The following MACROD2 variants were observed in gnomAD, a reference collection of about 807,000 sequenced individuals.
The protein encoded by MACROD2 is ADP-ribose glycohydrolase MACROD2.
MACROD2 carries 36 observed loss-of-function variants against 70.4 expected under a neutral mutation model. The ratio of observed to expected loss-of-function variants is 0.51; its 90% confidence interval spans 0.39 to 0.68. The LOEUF (loss-of-function observed/expected upper bound fraction) is 0.68, where lower values mean the gene tolerates loss of function less well. MACROD2 is among the 30% of genes least tolerant of loss of function. The pLI, the probability that MACROD2 is intolerant of heterozygous loss-of-function variation, is 0.00. For missense variants in MACROD2, 496 were observed against 538.4 expected (o/e 0.92, Z 0.78); for synonymous variants, 172 against 178.8 (o/e 0.96, Z 0.30).
Position 14,326,114 on chromosome 20 carries a change from A to T in MACROD2, c.272-167365A>T. ...GAATCAGGCTCCAGGGCTGTGACCAAGTACTCACTGCGTTCCCCTGTTACA... is the reference window on the plus strand; with the variant it reads ...GAATCAGGCTCCAGGGCTGTGACCATGTACTCACTGCGTTCCCCTGTTACA... On this transcript the variant is annotated intron_variant, in intron 3 of 17. Transcript: ENST00000684519. This position sits in a 1 kb window ranked among gnomAD's most constrained non-coding sequence, Gnocchi z 5.5. The T allele has an allele frequency of 6.2e-7, 1 of 1,613,884 alleles. No homozygotes were observed. The highest frequency in any genetic ancestry group is 8.5e-7 in the Non-Finnish European group (1 of 1,179,858).
chr20:15,100,400 C>A (rs570655854), intron 5 of MACROD2, among the ~76,000 whole-genome samples: 2 of 152,132 alleles, frequency 1.3e-5, no homozygotes, highest in African/African-American at 4.8e-5. Context: ...AATAGTGTCC[C>A]AAGAGTTTGA....
intron 8 of MACROD2, among the ~76,000 whole-genome samples, chr20:15,733,849 T>A (rs1031444999): frequency 6.6e-6 from 1 of 152,210 alleles, no homozygotes; most frequent in Non-Finnish European, 1.5e-5. Context: ...TCTTTCACCT[T>A]GACACACTGG....
chr20:15,246,098 T>C (rs1043653877), intron 6 of MACROD2, among the ~76,000 whole-genome samples: 1 of 152,220 alleles, frequency 6.6e-6, no homozygotes, highest in Non-Finnish European at 1.5e-5. Flanking sequence ...TACAGACACA[T>C]ATGCCTTTAA....
chr20:15,833,161 A>G (rs2064076295), intron 8 of MACROD2, among the ~76,000 whole-genome samples: 1 of 152,232 alleles, frequency 6.6e-6, no homozygotes, highest in African/African-American at 2.4e-5. Flanking sequence ...AATTAGCTCC[A>G]CAGTGTAGTA....
chr20:14,202,101 G>A (rs201680465), intron 3 of MACROD2, among the ~76,000 whole-genome samples: 13 of 151,728 alleles, frequency 8.6e-5, no homozygotes, highest in Non-Finnish European at 1.2e-4. Context: ...TCTTCTTTTC[G>A]TCATTTTACT....
chr20:14,379,160 C>T (rs2122768507), intron 3 of MACROD2, among the ~76,000 whole-genome samples: 1 of 152,128 alleles, frequency 6.6e-6, no homozygotes, highest in African/African-American at 2.4e-5. Context: ...TTTTAGAAAA[C>T]AAAACAAAAC....
At chr20:16,010,089 G>T (rs191037118) in intron 15 of MACROD2, among the ~76,000 whole-genome samples, 11 of 152,224 alleles carry the variant, frequency 7.2e-5, no homozygotes, top group Admixed American at 6.5e-4. Flanking sequence ...TGAGGGTCTT[G>T]CTTCATATAA....
chr20:15,631,795 C>G (rs1412161764), intron 8 of MACROD2, among the ~76,000 whole-genome samples: 1 of 152,182 alleles, frequency 6.6e-6, no homozygotes, highest in Non-Finnish European at 1.5e-5. Context: ...CTCTTACCTG[C>G]AGACATTTTG....
chr20:14,198,271 A>G (rs774912574), intron 3 of MACROD2, among the ~76,000 whole-genome samples: 1 of 152,174 alleles, frequency 6.6e-6, no homozygotes, highest in Non-Finnish European at 1.5e-5. Flanking sequence ...GTAATTTGAT[A>G]TCTAATAGTT....
At chr20:15,312,643 C>A (rs1321741464) in intron 6 of MACROD2, among the ~76,000 whole-genome samples, 1 of 152,030 alleles carries the variant, frequency 6.6e-6, no homozygotes, top group Non-Finnish European at 1.5e-5. Context: ...TGTATTTTTT[C>A]ATTTATGCTT....
chr20:15,680,932 C>T (rs1182689112), intron 8 of MACROD2, among the ~76,000 whole-genome samples: 1 of 152,178 alleles, frequency 6.6e-6, no homozygotes, highest in Non-Finnish European at 1.5e-5. Flanking sequence ...TTGAATAAAA[C>T]TCATCACATG....
chr20:15,831,457 C>T (rs771138098), intron 8 of MACROD2, among the ~76,000 whole-genome samples: 3 of 152,182 alleles, frequency 2.0e-5, no homozygotes, highest in Non-Finnish European at 2.9e-5. Flanking sequence ...CATGTGTCTC[C>T]CTGGCTTGAC....
At chr20:15,214,926 G>T (rs17296246) in intron 5 of MACROD2, among the ~76,000 whole-genome samples, 1 of 152,012 alleles carries the variant, frequency 6.6e-6, no homozygotes, top group Non-Finnish European at 1.5e-5. Context: ...ATATCTCTGG[G>T]CAGCTAAGTT....
At chr20:14,453,216 C>G (rs1357510620) in intron 3 of MACROD2, among the ~76,000 whole-genome samples, 2 of 152,126 alleles carry the variant, frequency 1.3e-5, no homozygotes, top group Non-Finnish European at 2.9e-5. Context: ...CTTGTACTTT[C>G]AGGCCTGAGA....
chr20:14,238,799 C>T (rs569196873), intron 3 of MACROD2, among the ~76,000 whole-genome samples: 20 of 152,032 alleles, frequency 1.3e-4, no homozygotes, highest in Admixed American at 2.6e-4. Context: ...GAGGCCGAGG[C>T]GGGCGGATCA....
intron 5 of MACROD2, among the ~76,000 whole-genome samples, chr20:15,111,444 A>G (rs1447271380): frequency 2.6e-5 from 4 of 152,152 alleles, no homozygotes; most frequent in African/African-American, 4.8e-5. Flanking sequence ...TGCTGGGATT[A>G]CAGGGGTGAG....
chr20:15,933,774 G>C (rs1443642994), intron 11 of MACROD2, among the ~76,000 whole-genome samples: 3 of 152,150 alleles, frequency 2.0e-5, no homozygotes, highest in Non-Finnish European at 2.9e-5. Flanking sequence ...AAATTTTGAA[G>C]AGCTATGCTT....
intron 5 of MACROD2, among the ~76,000 whole-genome samples, chr20:15,080,106 C>G (rs966882947): frequency 4.4e-4 from 65 of 146,652 alleles, no homozygotes; most frequent in African/African-American, 1.4e-3. Context: ...ATCTTCAAAA[C>G]AGAACAGCCA....
intron 8 of MACROD2, among the ~76,000 whole-genome samples, chr20:15,575,615 A>C (rs938056336): frequency 6.6e-6 from 1 of 152,154 alleles, no homozygotes; most frequent in African/African-American, 2.4e-5. Context: ...TATAGCACTG[A>C]TTTATGAAAG....
Sources: allele counts gnomAD v4.1 joint callset (sites outside exome capture counted in the v4.1 genomes callset), GRCh38; gene constraint gnomAD v4.1.1; non-coding constraint Gnocchi (gnomAD v3.1); transcripts MANE v1.5; gene names NCBI Gene and HGNC (gene_info 2026-07-23, HGNC 2026-07-21).